The following CC2D2A variants were observed in gnomAD, a reference collection of about 807,000 sequenced individuals.
CC2D2A encodes coiled-coil and C2 domain containing 2A, also known as coiled-coil and C2 domain-containing protein 2A.
CC2D2A carries 155 observed loss-of-function variants against 212.9 expected under a neutral mutation model. The ratio of observed to expected loss-of-function variants is 0.73; its 90% CI spans 0.64 to 0.83. The LOEUF (loss-of-function observed/expected upper bound fraction) is 0.83, where lower values mean the gene tolerates loss of function less well. Ranked by LOEUF, CC2D2A falls within the 40% of genes least tolerant of loss-of-function variation. The pLI is 0.00. For missense variants in CC2D2A, 1,856 were observed against 1,956.2 expected, an observed-to-expected ratio of 0.95 and a Z score of 0.97; for synonymous variants, 667 against 686.5, an observed-to-expected ratio of 0.97 and a Z score of 0.44.
intron 18 of CC2D2A, among the ~76,000 whole-genome samples, chr4:15,551,546 G>T (rs1719008495): frequency 6.6e-6 from 1 of 151,710 alleles, no homozygotes; most frequent in Non-Finnish European, 1.5e-5. Context: ...TCACTTTTTG[G>T]CTGTCTCTTA....
chr4:15,540,608 G>A (rs1287760259), intron 16 of CC2D2A, among the ~76,000 whole-genome samples: 2 of 152,166 alleles, frequency 1.3e-5, no homozygotes, highest in Non-Finnish European at 2.9e-5. Context: ...ACAATGAATG[G>A]ACTCTAGTTC....
chr4:15,556,514 T>G (rs919247243), intron 20 of CC2D2A, among the ~76,000 whole-genome samples: 2 of 152,250 alleles, frequency 1.3e-5, no homozygotes, highest in African/African-American at 4.8e-5. Context: ...ATTTTCTTTT[T>G]AACTATATGT....
At chr4:15,501,484 G>A (rs1401595741) in intron 4 of CC2D2A, among the ~76,000 whole-genome samples, 2 of 152,020 alleles carry the variant, frequency 1.3e-5, no homozygotes, top group African/African-American at 2.4e-5. Context: ...GAATATAGCC[G>A]AGACTCCTTA....
At chr4:15,474,918 G>A (rs1177023576) in intron 1 of CC2D2A, among the ~76,000 whole-genome samples, 3 of 152,170 alleles carry the variant, frequency 2.0e-5, no homozygotes, top group African/African-American at 7.2e-5. Context: ...GGAATGTTTT[G>A]AGGGATTTTT....
At chr4:15,555,852 A>T (rs1157571912) in intron 20 of CC2D2A, among the ~76,000 whole-genome samples, 2 of 152,224 alleles carry the variant, frequency 1.3e-5, no homozygotes, top group African/African-American at 4.8e-5. Context: ...AAGGTTTTAT[A>T]TCCCCTTCTC....
At chr4:15,516,125 A>G in intron 10 of CC2D2A, 121 bp downstream of exon 10, 1 of 1,078,390 alleles carries the variant, frequency 9.3e-7, no homozygotes, top group Non-Finnish European at 1.2e-6. Context: ...ATCCACAGAA[A>G]GTGGTTCATT....
chr4:15,501,115 G>T (rs950897555), intron 4 of CC2D2A, among the ~76,000 whole-genome samples: 1 of 152,152 alleles, frequency 6.6e-6, no homozygotes, highest in Non-Finnish European at 1.5e-5. Context: ...GGGTCCTCCA[G>T]GTTGAGTGTG....
At chr4:15,568,704 A>G (rs1720012657) in intron 26 of CC2D2A, among the ~76,000 whole-genome samples, 1 of 152,114 alleles carries the variant, frequency 6.6e-6, no homozygotes, top group Admixed American at 6.5e-5. Context: ...AACAAAATAC[A>G]CCTATTACCC....
At chr4:15,580,240 A>G (rs1720602211) in intron 30 of CC2D2A, 69 bp downstream of exon 30, 1 of 1,132,926 alleles carries the variant, frequency 8.8e-7, no homozygotes, top group Non-Finnish European at 1.3e-6. Flanking sequence ...TGCCATTTTA[A>G]TTACCATATT....
intron 4 of CC2D2A, among the ~76,000 whole-genome samples, chr4:15,488,169 A>T (rs1366297553): frequency 6.6e-6 from 1 of 152,106 alleles, no homozygotes; most frequent in Non-Finnish European, 1.5e-5. Context: ...ATACCTTCAG[A>T]TTTCTTATTG....
chr4:15,551,552 T>TAATC (rs1719008893), intron 18 of CC2D2A, among the ~76,000 whole-genome samples: 2 of 152,204 alleles, frequency 1.3e-5, no homozygotes, highest in African/African-American at 4.8e-5. Context: ...TTTGGCTGTC[T>TAATC]CTTATTATTG....
rs749907863 is a variant in CC2D2A at position 15,479,265 on chromosome 4, C to T, written c.123+459C>T. ...CCGAGCCTGCTGGCAGATCCTCCCC[C>T]ACCTCTCCGCAGGAGTTCCCCTCCT... On this transcript the variant is annotated intron_variant, in intron 3 of 36. Coordinates refer to ENST00000424120, the MANE Select transcript of CC2D2A (RefSeq NM_001378615.1). 2.1e-5 allele frequency: 33 copies of T among 1,537,142 alleles called. No homozygotes were observed. The South Asian group carries it at 3.9e-4, about 18-fold the overall frequency.
At chr4:15,536,558 A>T (rs1000659701) in intron 14 of CC2D2A, among the ~76,000 whole-genome samples, 21 of 152,164 alleles carry the variant, frequency 1.4e-4, no homozygotes, top group Non-Finnish European at 2.9e-4. Context: ...TCATAAAATA[A>T]CTAATGAAAT....
At chr4:15,558,610 C>T (rs966842902) in intron 21 of CC2D2A, among the ~76,000 whole-genome samples, 5 of 151,900 alleles carry the variant, frequency 3.3e-5, no homozygotes, top group Admixed American at 1.3e-4. Flanking sequence ...GTGTGTCCCC[C>T]GAGCCTGAGT....
intron 4 of CC2D2A, among the ~76,000 whole-genome samples, chr4:15,485,948 G>C (rs1714975061): frequency 6.6e-6 from 1 of 151,914 alleles, no homozygotes; most frequent in Non-Finnish European, 1.5e-5. Flanking sequence ...TCATTCTGTT[G>C]ATATGATGTA....
chr4:15,503,175 T>C (rs1716063353), intron 6 of CC2D2A, among the ~76,000 whole-genome samples: 4 of 152,220 alleles, frequency 2.6e-5, no homozygotes, highest in Admixed American at 2.6e-4. Flanking sequence ...TGCTGGCTTG[T>C]GCCTGTAGTC....
At chr4:15,489,491 G>A (rs546842135) in intron 4 of CC2D2A, among the ~76,000 whole-genome samples, 3 of 152,238 alleles carry the variant, frequency 2.0e-5, no homozygotes, top group South Asian at 4.2e-4. Flanking sequence ...GTACTAATAC[G>A]TATGAATAAA....
intron 18 of CC2D2A, among the ~76,000 whole-genome samples, chr4:15,552,289 T>A (rs1200461291): frequency 6.6e-6 from 1 of 152,216 alleles, no homozygotes; most frequent in African/African-American, 2.4e-5. Flanking sequence ...TATTAACTTA[T>A]TTAACTCCTG....
At chr4:15,506,438 T>C (rs1716260006) in intron 6 of CC2D2A, among the ~76,000 whole-genome samples, 1 of 152,198 alleles carries the variant, frequency 6.6e-6, no homozygotes, top group South Asian at 2.1e-4. Context: ...TTTTGCCACA[T>C]GGAATTTAAC....
Sources: gnomAD v4.1 joint callset for allele counts (sites outside exome capture counted in the v4.1 genomes callset) on GRCh38, gnomAD v4.1.1 for gene constraint, MANE v1.5 for transcripts, NCBI Gene and HGNC (gene_info 2026-07-23, HGNC 2026-07-21) for gene names.